DLGAP2: variants seen among roughly 807,000 people sequenced by gnomAD.
DLGAP2 encodes DLG associated protein 2.
DLGAP2 carries 26 observed loss-of-function variants against 100.3 expected under a neutral mutation model. The observed-to-expected ratio is 0.26, with a 90% CI of 0.19 to 0.36. DLGAP2 has a LOEUF of 0.36. DLGAP2 is among the 10% of genes least tolerant of loss of function. The probability of loss-of-function intolerance (pLI) is 1.00; values close to 1 mark genes in which losing one functional copy is unlikely to be tolerated. For synonymous variants in DLGAP2, 886 were observed against 630.1 expected, an observed-to-expected ratio of 1.41 and a Z score of -6.08; for missense variants, 1,858 against 1,453.2, an observed-to-expected ratio of 1.28 and a Z score of -4.53.
chr8:1,215,030 A>C (rs748105691), intron 2 of DLGAP2, among the ~76,000 whole-genome samples: 1 of 152,182 alleles, frequency 6.6e-6, no homozygotes, highest in East Asian at 1.9e-4. Flanking sequence ...TCTAAGTCTC[A>C]TGGAAATAGT....
intron 2 of DLGAP2, among the ~76,000 whole-genome samples, chr8:1,112,815 C>T (rs775781748): frequency 1.3e-5 from 2 of 152,140 alleles, no homozygotes; most frequent in African/African-American, 4.8e-5. Flanking sequence ...TAGGTTGTCT[C>T]CCAGGGTTTT....
chr8:863,478 G>A (rs573345388), intron 1 of DLGAP2, among the ~76,000 whole-genome samples: 3 of 152,252 alleles, frequency 2.0e-5, no homozygotes, highest in African/African-American at 2.4e-5. Context: ...CCACTGGTGC[G>A]CACACCACTT....
At chr8:1,107,666 CCCCTGCTCTT>C (rs1168052877) in intron 2 of DLGAP2, among the ~76,000 whole-genome samples, 1 of 152,206 alleles carries the variant, frequency 6.6e-6, no homozygotes, top group African/African-American at 2.4e-5. Flanking sequence ...GGCTTTATTT[CCCCTGCTCTT>C]CCCTGCTCTG....
rs1801687522 is a variant in DLGAP2, at chr8:1,549,528, C to G, written c.1075C>G (p.Leu359Val). ...VKCSACEGLA[L>V]TPDAKYLKRS... ...GTGCTCGGCCTGTGAGGGGTTGGCG[C>G]TGACGCCCGACGCCAAGTACCTGAA... The change falls in exon 5 of 15, where the codon CTG becomes GTG. Residue 359 changes from leucine (L) to valine (V), a missense_variant. Leu to Val is a conservative substitution (Grantham distance 32). Transcript: ENST00000637795. 1 of 1,613,322 alleles carries G rather than the reference C, an allele frequency of 6.2e-7. No individual in the cohort carries two copies. The highest frequency in any genetic ancestry group is 8.5e-7 in the Non-Finnish European group (1 of 1,179,868).
chr8:1,502,982 C>T (rs761690664), intron 4 of DLGAP2, among the ~76,000 whole-genome samples: 5 of 152,118 alleles, frequency 3.3e-5, no homozygotes, highest in Non-Finnish European at 7.3e-5. Context: ...AGGAGTCACT[C>T]TGGGGAGGCC....
At chr8:1,081,929 G>T (rs781780072) in intron 2 of DLGAP2, among the ~76,000 whole-genome samples, 1 of 152,144 alleles carries the variant, frequency 6.6e-6, no homozygotes, top group Non-Finnish European at 1.5e-5. Flanking sequence ...CCCCAATCAG[G>T]ATGCCAGGAA....
rs78797565 is a variant in DLGAP2 at position 1,372,809 on chromosome 8, A to G, written c.106+113926A>G. Among the ~76,000 whole-genome samples, 119 of 152,322 alleles carry G rather than the reference A, an allele frequency of 7.8e-4. 1 individual carries two copies. The East Asian group carries it at 0.019, about 24-fold the overall frequency. ...AGGCAGTATATTTTCCCAAGCGAAC[A>G]TGGCGTTAGATACAGCCACATCAAA... On this transcript the variant is annotated intron_variant, in intron 3 of 14. Coordinates refer to ENST00000637795, the MANE Select transcript of DLGAP2 (RefSeq NM_001346810.2).
chr8:1,528,098 G>A (rs1159843215), intron 4 of DLGAP2, among the ~76,000 whole-genome samples: 11 of 152,240 alleles, frequency 7.2e-5, no homozygotes, highest in East Asian at 5.8e-4. Context: ...GCCACTGCAC[G>A]GCAGTGACTG....
intron 2 of DLGAP2, among the ~76,000 whole-genome samples, chr8:1,154,927 CTCT>C (rs750113641): frequency 4.6e-5 from 7 of 152,258 alleles, no homozygotes; most frequent in African/African-American, 7.2e-5. Context: ...AACCATGTCT[CTCT>C]TCTTACTGTT....
At chr8:1,440,988 G>A (rs1430380569) in intron 3 of DLGAP2, among the ~76,000 whole-genome samples, 3 of 152,166 alleles carry the variant, frequency 2.0e-5, no homozygotes, top group Non-Finnish European at 4.4e-5. Context: ...CCCAGCACGG[G>A]TTTTCCAGCC....
intron 8 of DLGAP2, among the ~76,000 whole-genome samples, chr8:1,650,935 C>T (rs939158729): frequency 9.2e-5 from 14 of 152,004 alleles, no homozygotes; most frequent in Non-Finnish European, 1.8e-4. Context: ...GTTGCTGGAG[C>T]AGAGATGGGA....
At chr8:1,036,676 C>T (rs1482240793) in intron 2 of DLGAP2, among the ~76,000 whole-genome samples, 1 of 152,092 alleles carries the variant, frequency 6.6e-6, no homozygotes, top group Non-Finnish European at 1.5e-5. Context: ...CCCTAGAGAG[C>T]AGCTGTCGTG....
intron 1 of DLGAP2, among the ~76,000 whole-genome samples, chr8:857,672 C>T (rs1384266604): frequency 6.6e-6 from 1 of 152,152 alleles, no homozygotes; most frequent in Admixed American, 6.5e-5. Context: ...ACACTGGCAA[C>T]ACCATCAAGT....
chr8:1,590,079 G>T (rs4387000), intron 6 of DLGAP2, among the ~76,000 whole-genome samples: 1 of 151,960 alleles, frequency 6.6e-6, no homozygotes, highest in Non-Finnish European at 1.5e-5. Context: ...GTGGCTGTGG[G>T]TGCATCACTC....
intron 2 of DLGAP2, among the ~76,000 whole-genome samples, chr8:986,930 G>A (rs1039159962): frequency 6.6e-6 from 1 of 152,172 alleles, no homozygotes; most frequent in East Asian, 1.9e-4. Flanking sequence ...AGAGTACTAG[G>A]ATTACAGGCA....
At chr8:1,308,491 T>G (rs919133435) in intron 3 of DLGAP2, among the ~76,000 whole-genome samples, 1 of 152,310 alleles carries the variant, frequency 6.6e-6, no homozygotes, top group Admixed American at 6.5e-5. Context: ...AACAGGAAAG[T>G]ATGGTCCATT....
intron 1 of DLGAP2, among the ~76,000 whole-genome samples, chr8:776,293 A>G (rs1321522751): frequency 6.6e-6 from 1 of 152,066 alleles, no homozygotes; most frequent in African/African-American, 2.4e-5. Flanking sequence ...GATCCTTTCA[A>G]GAAACCAGCT....
intron 2 of DLGAP2, among the ~76,000 whole-genome samples, chr8:986,347 T>C (rs1800487156): frequency 6.6e-6 from 1 of 152,186 alleles, no homozygotes; most frequent in South Asian, 2.1e-4. Flanking sequence ...CACTTTAAGT[T>C]CTGGGATATA....
chr8:1,081,849 C>G (rs1803821674), intron 2 of DLGAP2, among the ~76,000 whole-genome samples: 1 of 152,186 alleles, frequency 6.6e-6, no homozygotes, highest in African/African-American at 2.4e-5. Flanking sequence ...GAATGTCAAG[C>G]AGGCATATTC....
Sources: allele counts gnomAD v4.1 joint callset (sites outside exome capture counted in the v4.1 genomes callset), GRCh38; gene constraint gnomAD v4.1.1; transcripts MANE v1.5; gene names NCBI Gene and HGNC (gene_info 2026-07-23, HGNC 2026-07-21).